Variants in RHOT2 observed in about 807,000 individuals in gnomAD.
RHOT2 encodes the protein ras homolog family member T2.
Under a neutral mutation model 81.6 loss-of-function variants are expected in RHOT2, and 90 were observed. The observed-to-expected ratio is 1.10, with a 90% CI of 0.93 to 1.31. The LOEUF (loss-of-function observed/expected upper bound fraction) is 1.31, where lower values mean the gene tolerates loss of function less well. Among genes scored for constraint, RHOT2 ranks in the 40% most tolerant of loss-of-function variants. The pLI is 0.00. For missense variants in RHOT2, 1,014 were observed against 841.9 expected, an observed-to-expected ratio of 1.20 and a Z score of -2.53; for synonymous variants, 512 against 370.9, an observed-to-expected ratio of 1.38 and a Z score of -4.37.
At chr16:672,209 G>A (rs2039078036) in intron 14 of RHOT2, 28 bp downstream of exon 14, 1 of 1,612,102 alleles carries the variant, frequency 6.2e-7, no homozygotes, top group Non-Finnish European at 8.5e-7. Context: ...CTGGGCCTGG[G>A]CCCAGTATCC....
In RHOT2 at chr16:670,906, G is replaced by T; in HGVS notation, c.654G>T (p.Gly218=). The T allele has an allele frequency of 6.4e-7, 1 of 1,571,588 alleles. No homozygotes were observed. ...ELNAFQKSCF[G]HPLAPQALED... is the part of the protein sequence containing the mutation. ...CTCGGAAGCAGAAATCCTGCTTTGG[G>T]CACCCCCTGGCCCCGCAGGCCCTGG... is the stretch of plus-strand genomic sequence containing the variant. The change falls in exon 10 of 19, where the codon GGG becomes GGT. Residue 218 remains glycine (G), a synonymous_variant. Coordinates refer to ENST00000315082, the MANE Select transcript of RHOT2 (RefSeq NM_138769.3).
At position 673,069 on chromosome 16, in the gene RHOT2, G is replaced by A; in HGVS notation, c.1669G>A (p.Ala557Thr). The change falls in exon 18 of 19, where the codon GCT (alanine) becomes ACT (threonine). Residue 557 changes from alanine (A) to threonine (T), a missense_variant. Coordinates refer to ENST00000315082, the MANE Select transcript of RHOT2 (RefSeq NM_138769.3). ...RLPAPVPFSC[A>T]GPAEPSTTIF... The stretch of plus-strand genomic sequence containing the variant: ...ACCCGCTCCCGTGCCGTTCTCCTGT[G>A]CTGGCCCAGCCGAGCCCAGCACCAC... 1 of 1,611,750 alleles carries A rather than the reference G, an allele frequency of 6.2e-7. No individual in the cohort carries two copies. Among genetic ancestry groups the A allele is most frequent in the Non-Finnish European group, 8.5e-7 (1 of 1,179,940 alleles).
In RHOT2 at chr16:670,376, G is replaced by A; in HGVS notation, c.438+19G>A. On this transcript the variant is annotated intron_variant, in intron 7 of 18. Coordinates refer to ENST00000315082, the MANE Select transcript of RHOT2 (RefSeq NM_138769.3). ...CGTGGAGGTGAGTAGGTCCCAGGCA[G>A]GGCCGCCTCCTTCATTCCTTGTGTT... 6.2e-7 allele frequency: 1 copy of A among 1,611,706 alleles called. No individual in the cohort carries two copies. Among genetic ancestry groups the A allele is most frequent in the Non-Finnish European group, 8.5e-7 (1 of 1,179,120 alleles).
At position 672,516 on chromosome 16, in the gene RHOT2, G is replaced by T; in HGVS notation, c.1354G>T (p.Gly452Cys). The T allele has an allele frequency of 6.2e-7, 1 of 1,612,626 alleles. No homozygotes were observed. Among genetic ancestry groups the T allele is most frequent in the South Asian group, 1.1e-5 (1 of 91,086 alleles). ...CCAGGACACGAGGGAGCAGCCTCCC[G>T]GCTACGCCATCGACACGGTGCAGGT... is the stretch of plus-strand genomic sequence containing the variant. ...GHQDTREQPP[G>C]YAIDTVQVNG... The change falls in exon 16 of 19, where the codon GGC becomes TGC. Residue 452 changes from glycine to cysteine, a missense_variant. Gly to Cys is a radical substitution (Grantham distance 159, BLOSUM62 -3). Coordinates refer to ENST00000315082, the MANE Select transcript of RHOT2 (RefSeq NM_138769.3).
At chr16:669,269 A>G in intron 4 of RHOT2, 2 of 539,310 alleles carry the variant, frequency 3.7e-6, no homozygotes, top group South Asian at 2.1e-5. Context: ...GACCACAGTT[A>G]TGCTTCTGGG....
Position 671,880 on chromosome 16 carries a change from G to A in RHOT2, c.975G>A (p.Ser325=), listed in dbSNP as rs967431093. 5.5e-6 allele frequency: 8 copies of A among 1,461,028 alleles called. No homozygotes were observed. The highest frequency in any genetic ancestry group is 3.2e-5 in the African/African-American group (2 of 62,834). The allele number at this position is 1,461,028 out of a possible 1,614,324, so 90.5% of individuals were successfully genotyped here. A position where few individuals can be genotyped will look rare whatever the true frequency, so the allele number is the denominator to read the frequency against. The change falls in exon 13 of 19, where the codon TCG becomes TCA. Residue 325 remains serine (S), a synonymous_variant. Transcript: ENST00000315082. ...KHDQDRDGAL[S]PVELQSLFSV... ...TGCAGGACCGCGACGGCGCCCTCTC[G>A]CCCGTGGAGCTGCAAAGCCTTTTCA...
At chr16:670,013 C>T in intron 5 of RHOT2, 110 bp from the exon 6 acceptor site, 2 of 1,018,322 alleles carry the variant, frequency 2.0e-6, no homozygotes, top group South Asian at 1.6e-5. Context: ...CTTGGGCCCT[C>T]AGTGGGCCTT....
chr16:672,681 C>T (rs1596525817), intron 16 of RHOT2, 22 bp from the exon 17 acceptor site: 1 of 1,611,860 alleles, frequency 6.2e-7, no homozygotes. Flanking sequence ...GGGACCCTTC[C>T]TAAGGCCGCT....
Position 672,568 on chromosome 16 carries a change from T to G in RHOT2, c.1404+2T>G. 6.2e-7 allele frequency: 1 copy of G among 1,612,478 alleles called. No individual in the cohort carries two copies. The highest frequency in any genetic ancestry group is 8.5e-7 in the Non-Finnish European group (1 of 1,179,820). Reference sequence around the variant, plus strand: ...AATGGACAGGAGAAGTACTTGATCGTGAGTGCTGGGGCGGCGCGGCCTGTG... The same window carrying G: ...AATGGACAGGAGAAGTACTTGATCGGGAGTGCTGGGGCGGCGCGGCCTGTG... On this transcript the variant is annotated splice_donor_variant, in intron 16 of 18. Transcript: ENST00000315082. LOFTEE classifies it high-confidence loss of function.
At position 674,113 on chromosome 16, in the gene RHOT2, CTG is replaced by C. The variant is rs1175876730; in HGVS notation, c.*513_*514del. On this transcript the variant is annotated 3_prime_UTR_variant, in exon 19 of 19. Transcript: ENST00000315082. ...AGGTTGGGTTCCTGATTAAACTTCACTGTGTGTTTTCTATCTCGGATCCCAGT... is the reference window on the plus strand; with the variant it reads ...AGGTTGGGTTCCTGATTAAACTTCACTGTGTTTTCTATCTCGGATCCCAGT... The C allele has an allele frequency of 4.8e-6, 1 of 207,134 alleles. No homozygotes were observed. The highest frequency in any genetic ancestry group is 1.0e-5 in the Non-Finnish European group (1 of 97,998). The allele number at this position is 207,134 out of a possible 1,614,324, so 12.8% of individuals were successfully genotyped here. A position where few individuals can be genotyped will look rare whatever the true frequency, so the allele number is the denominator to read the frequency against.
rs753725358 is a variant in RHOT2, at chr16:671,841, C to A, written c.955-19C>A. On this transcript the variant is annotated intron_variant, in intron 12 of 18. Transcript: ENST00000315082. ...GCCCCCTCCCCGGCACACACATCAC[C>A]ACATCCCTCCTTCTGCAGGACCGCG... 3.1e-6 allele frequency: 5 copies of A among 1,609,654 alleles called. No homozygotes were observed. Among genetic ancestry groups the A allele is most frequent in the Non-Finnish European group, 3.4e-6 (4 of 1,178,322 alleles).
intron 12 of RHOT2, 35 bp downstream of exon 12, chr16:671,816 G>GGCCCC: frequency 1.8e-6 from 1 of 568,640 alleles, no homozygotes; most frequent in Non-Finnish European, 2.9e-6. Flanking sequence ...CCCTGCCCCC[G>GGCCCC]CCCCCTCCCC....
At chr16:669,638 G>A (rs2151455101) in intron 5 of RHOT2, 32 bp downstream of exon 5, 3 of 1,608,216 alleles carry the variant, frequency 1.9e-6, no homozygotes, top group Non-Finnish European at 1.7e-6. Flanking sequence ...CAACAGCAGA[G>A]ACACAGTGGC....
intron 13 of RHOT2, 35 bp from the exon 14 acceptor site, chr16:672,049 C>T: frequency 6.2e-7 from 1 of 1,612,338 alleles, no homozygotes; most frequent in Non-Finnish European, 8.5e-7. Context: ...ACCCTCCCCA[C>T]CATAACACTG....
At position 672,377 on chromosome 16, in the gene RHOT2, G is replaced by T. The variant is rs757461039; in HGVS notation, c.1319G>T (p.Gly440Val). Residue 440 changes from glycine to valine, a missense_variant, in exon 15 of 19, where the codon GGC becomes GTC. By Grantham distance (109) the Gly-to-Val change is moderately radical. Coordinates refer to ENST00000315082, the MANE Select transcript of RHOT2 (RefSeq NM_138769.3). Reference sequence around the variant, plus strand: ...TTCCTGCAGGCCTTTCTCGGCCGCGGCCTGGGGGTAAGCACCCTAGACTCC... The same window carrying T: ...TTCCTGCAGGCCTTTCTCGGCCGCGTCCTGGGGGTAAGCACCCTAGACTCC... ...SAFLQAFLGR[G>V]LGHQDTREQP... 3.7e-6 allele frequency: 6 copies of T among 1,610,004 alleles called. No homozygotes were observed. The highest frequency in any genetic ancestry group is 3.3e-5 in the South Asian group (3 of 90,810).
chr16:670,457 G>A lies in RHOT2; in HGVS notation c.440G>A (p.Cys147Tyr), dbSNP rs2038731783. The A allele has an allele frequency of 1.9e-6, 3 of 1,605,480 alleles. No homozygotes were observed. Among genetic ancestry groups the A allele is most frequent in the South Asian group, 2.2e-5 (2 of 90,102 alleles). ...CTGAGGCTGTTCCCACTTTCCCAGT[G>A]TTCGGCCAAGAACCTGAGGAACATC... ...QFPEIETCVE[C>Y]SAKNLRNISE... Residue 147 changes from cysteine to tyrosine, a missense_variant and splice_region_variant, in exon 8 of 19, where the codon TGT becomes TAT. Coordinates refer to ENST00000315082, the MANE Select transcript of RHOT2 (RefSeq NM_138769.3).
chr16:669,906 C>T (rs1402657745), intron 5 of RHOT2: 2 of 615,474 alleles, frequency 3.2e-6, no homozygotes, highest in Non-Finnish European at 5.7e-6. Context: ...GCTTGGGCCC[C>T]AGTGACTTGG....
At chr16:668,610 C>T in intron 3 of RHOT2, 41 bp downstream of exon 3, 4 of 1,609,212 alleles carry the variant, frequency 2.5e-6, no homozygotes, top group Middle Eastern at 1.7e-4. Context: ...CCGCAGCGGT[C>T]CGGCGGGCCT....
intron 16 of RHOT2, 26 bp from the exon 17 acceptor site, chr16:672,677 C>T (rs2039170615): frequency 1.2e-6 from 2 of 1,611,730 alleles, no homozygotes; most frequent in Non-Finnish European, 1.7e-6. Context: ...CCCAGGGACC[C>T]TTCCTAAGGC....
Sources: gnomAD v4.1 joint callset for allele counts on GRCh38, gnomAD v4.1.1 for gene constraint, MANE v1.5 for transcripts, NCBI Gene and HGNC (gene_info 2026-07-23, HGNC 2026-07-21) for gene names.